CACNA1E: variants seen among roughly 807,000 people sequenced by gnomAD.
The protein encoded by CACNA1E is voltage-dependent R-type calcium channel subunit alpha-1E.
A neutral mutation model predicts 259.2 loss-of-function variants in CACNA1E; 40 were observed. The observed-to-expected ratio is 0.15, with a 90% CI of 0.12 to 0.20. The LOEUF (loss-of-function observed/expected upper bound fraction) is 0.20, where lower values mean the gene tolerates loss of function less well. CACNA1E is among the 10% of genes least tolerant of loss of function. The pLI, the probability that CACNA1E is intolerant of heterozygous loss-of-function variation, is 1.00. For synonymous variants in CACNA1E, 1,104 were observed against 1,138.5 expected, an observed-to-expected ratio of 0.97 and a Z score of 0.61; for missense variants, 1,874 against 3,040.1, an observed-to-expected ratio of 0.62 and a Z score of 9.02.
rs1048717384 is a variant in CACNA1E, at chr1:181,801,964, T to C, written c.*3130T>C. On this transcript the variant is annotated 3_prime_UTR_variant, in exon 48 of 48. Transcript: ENST00000367573. ...GAGATGTTCTAAGTAGGTTTGCATT[T>C]AGTTACCCCTCATTTCACTTAAGGC... The C allele has an allele frequency of 2.6e-5, 4 of 152,112 alleles. No homozygotes were observed. The highest frequency in any genetic ancestry group is 4.4e-5 in the Non-Finnish European group (3 of 68,006). The allele number at this position is 152,112 out of a possible 1,614,324, so 9.4% of individuals were successfully genotyped here. A position where few individuals can be genotyped will look rare whatever the true frequency, so the allele number is the denominator to read the frequency against.
At chr1:181,440,457 G>A (rs1039286427) in intron 2 of CACNA1E, among the ~76,000 whole-genome samples, 1 of 152,178 alleles carries the variant, frequency 6.6e-6, no homozygotes, top group Non-Finnish European at 1.5e-5. Flanking sequence ...AGTTGTGTGT[G>A]TCAAAGAAGC....
rs536776850 is a variant in CACNA1E at position 181,697,232 on chromosome 1, T to C, written c.1056-13722T>C. On this transcript the variant is annotated intron_variant, in intron 7 of 47. Coordinates refer to ENST00000367573, the MANE Select transcript of CACNA1E (RefSeq NM_001205293.3). ...AAAAGCTGTGGTGAAATGTTGCTGA[T>C]GTAATCCTAAGGGCCTCAGGTGGCA... is the stretch of plus-strand genomic sequence containing the variant. Among the ~76,000 whole-genome samples the C allele has an allele frequency of 4.3e-4, 65 of 152,344 alleles. 1 individual carries two copies. The highest frequency in any genetic ancestry group is 1.5e-3 in the African/African-American group (61 of 41,586).
At chr1:181,653,786 T>C (rs1046313391) in intron 7 of CACNA1E, among the ~76,000 whole-genome samples, 2 of 152,248 alleles carry the variant, frequency 1.3e-5, no homozygotes, top group African/African-American at 4.8e-5. Flanking sequence ...CTTAACTTAA[T>C]AATCTGCAAA....
chr1:181,799,658 A>G lies in CACNA1E; in HGVS notation c.*824A>G, dbSNP rs1256805816. On this transcript the variant is annotated 3_prime_UTR_variant, in exon 48 of 48. Transcript: ENST00000367573. ...AGGCTCTGGTAAGGGTGAAGATAAA[A>G]GTATTTAACAACCGCTATGGCATCA... is the stretch of plus-strand genomic sequence containing the variant. 1 of 152,386 alleles carries G rather than the reference A, an allele frequency of 6.6e-6. No homozygotes were observed. Among genetic ancestry groups the G allele is most frequent in the Non-Finnish European group, 1.5e-5 (1 of 68,104 alleles). The allele number at this position is 152,386 out of a possible 1,614,324, so 9.4% of individuals were successfully genotyped here. A position where few individuals can be genotyped will look rare whatever the true frequency, so the allele number is the denominator to read the frequency against.
At chr1:181,643,001 C>T (rs973562095) in intron 6 of CACNA1E, among the ~76,000 whole-genome samples, 1 of 152,082 alleles carries the variant, frequency 6.6e-6, no homozygotes, top group African/African-American at 2.4e-5. Flanking sequence ...CCCCCTCACT[C>T]CCCCCACAGG....
At chr1:181,534,775 A>G (rs1467782199) in intron 3 of CACNA1E, among the ~76,000 whole-genome samples, 3 of 152,180 alleles carry the variant, frequency 2.0e-5, no homozygotes, top group Non-Finnish European at 1.5e-5. Context: ...AGCGATTTTA[A>G]AGTGAGGCAA....
chr1:181,470,198 AT>A (rs140772361), intron 2 of CACNA1E, among the ~76,000 whole-genome samples: 14,337 of 146,912 alleles, frequency 0.098, 835 homozygotes, highest in South Asian at 0.19. Context: ...TCTCTAAAAT[AT>A]TTTTTTTTTT....
chr1:181,583,879 C>T (rs1253598825), intron 6 of CACNA1E, among the ~76,000 whole-genome samples: 1 of 152,148 alleles, frequency 6.6e-6, no homozygotes, highest in Non-Finnish European at 1.5e-5. Context: ...CCTGTTTGCA[C>T]TGTCTGTCCC....
intron 1 of CACNA1E, among the ~76,000 whole-genome samples, chr1:181,403,214 A>G (rs374882316): frequency 1.4e-3 from 210 of 152,044 alleles, no homozygotes; most frequent in Admixed American, 4.2e-3. Context: ...GTTATTTCAT[A>G]AGATTTTTTT....
At chr1:181,699,615 G>A (rs1318796252) in intron 7 of CACNA1E, among the ~76,000 whole-genome samples, 1 of 152,154 alleles carries the variant, frequency 6.6e-6, no homozygotes, top group African/African-American at 2.4e-5. Flanking sequence ...AAGGAAATAG[G>A]GGGATTGGGA....
chr1:181,450,762 A>G (rs1661108079), intron 2 of CACNA1E, among the ~76,000 whole-genome samples: 1 of 152,202 alleles, frequency 6.6e-6, no homozygotes. Context: ...ATTTGGCTTT[A>G]AAGGAGATGA....
chr1:181,505,795 G>A (rs1665661706), intron 1 of CACNA1E, among the ~76,000 whole-genome samples: 1 of 152,120 alleles, frequency 6.6e-6, no homozygotes, highest in African/African-American at 2.4e-5. Context: ...TATACAGTGT[G>A]GAGAGTGTGG....
At chr1:181,740,590 G>A (rs1157131731) in intron 25 of CACNA1E, among the ~76,000 whole-genome samples, 2 of 152,192 alleles carry the variant, frequency 1.3e-5, no homozygotes, top group Non-Finnish European at 2.9e-5. Flanking sequence ...TGCTAGGAGT[G>A]TAGGATCTCC....
chr1:181,721,946 G>T, intron 16 of CACNA1E, 71 bp downstream of exon 16: 1 of 1,003,426 alleles, frequency 1.0e-6, no homozygotes, highest in Non-Finnish European at 1.6e-6. Context: ...GGCATTGGTG[G>T]TGGTGGTGCT....
chr1:181,553,261 C>T (rs1048689525), intron 3 of CACNA1E, among the ~76,000 whole-genome samples: 9 of 152,026 alleles, frequency 5.9e-5, no homozygotes, highest in Non-Finnish European at 1.0e-4. Flanking sequence ...CTTTTTGTAG[C>T]GATTGTGAAT....
rs187701933 is a variant in CACNA1E at position 181,790,587 on chromosome 1, T to A, written c.5898+31T>A. 113 of 1,287,496 alleles carry A rather than the reference T, an allele frequency of 8.8e-5. No individual in the cohort carries two copies. The African/African-American group carries it at 1.5e-3, about 17-fold the overall frequency. 79.8% of individuals were successfully genotyped at this position (1,287,496 alleles called of 1,614,324 possible). A position where few individuals can be genotyped will look rare whatever the true frequency, so the allele number is the denominator to read the frequency against. On this transcript the variant is annotated intron_variant, in intron 44 of 47. Transcript: ENST00000367573. ...TGCATGAGTTATATGACCTCAAAAC[T>A]ACTTCCTTGGTTTCCTGATCCCTCT... is the stretch of plus-strand genomic sequence containing the variant.
intron 7 of CACNA1E, among the ~76,000 whole-genome samples, chr1:181,703,479 C>T (rs1652476988): frequency 6.6e-6 from 1 of 152,110 alleles, no homozygotes; most frequent in Non-Finnish European, 1.5e-5. Flanking sequence ...TGGATTCCAC[C>T]AACTTCAAGG....
intron 1 of CACNA1E, among the ~76,000 whole-genome samples, chr1:181,372,391 C>T (rs183477206): frequency 9.9e-5 from 15 of 152,122 alleles, no homozygotes; most frequent in East Asian, 7.7e-4. Context: ...TGATTTGGCT[C>T]TCAGCTTGGA....
intron 32 of CACNA1E, among the ~76,000 whole-genome samples, chr1:181,759,639 C>A (rs934159710): frequency 6.6e-6 from 1 of 152,176 alleles, no homozygotes; most frequent in African/African-American, 2.4e-5. Context: ...TGGCCACCCT[C>A]CCCCCAACCT....
Sources: allele counts gnomAD v4.1 joint callset (sites outside exome capture counted in the v4.1 genomes callset), GRCh38; gene constraint gnomAD v4.1.1; transcripts MANE v1.5; gene names NCBI Gene and HGNC (gene_info 2026-07-23, HGNC 2026-07-21).